TTC17: variants seen among roughly 807,000 people sequenced by gnomAD.
TTC17 encodes tetratricopeptide repeat protein 17.
A neutral mutation model predicts 143.8 loss-of-function variants in TTC17; 58 were observed. That is an observed-to-expected ratio of 0.40 (90% CI 0.33 to 0.50). The LOEUF is 0.50. Ranked by LOEUF, TTC17 falls within the 20% of genes least tolerant of loss-of-function variation. The probability of loss-of-function intolerance (pLI) is 0.49; values close to 1 mark genes in which losing one functional copy is unlikely to be tolerated. For synonymous variants in TTC17, 501 were observed against 497.8 expected (o/e 1.01, Z -0.09); for missense variants, 1,273 against 1,392.5 (o/e 0.91, Z 1.37).
chr11:43,407,374 A>G lies in TTC17; in HGVS notation c.1861A>G (p.Ile621Val). The change falls in exon 15 of 24, where the codon ATA becomes GTA. Residue 621 changes from isoleucine to valine, a missense_variant. Coordinates refer to ENST00000039989, the MANE Select transcript of TTC17 (RefSeq NM_018259.6). ...INKPNAPIWL[I>V]LNEAGLYWRA... ...TCAGCCAAATGCTCCTATCTGGCTC[A>G]TACTCAATGAAGCTGGACTATACTG... is the stretch of plus-strand genomic sequence containing the variant. The G allele has an allele frequency of 6.2e-7, 1 of 1,613,850 alleles. No homozygotes were observed. The highest frequency in any genetic ancestry group is 1.6e-4 in the Middle Eastern group (1 of 6,062).
At chr11:43,461,166 G>A (rs1180378000) in intron 21 of TTC17, among the ~76,000 whole-genome samples, 1 of 151,942 alleles carries the variant, frequency 6.6e-6, no homozygotes, top group African/African-American at 2.4e-5. Flanking sequence ...GGGTGGATCA[G>A]GAGGTCAGGA....
chr11:43,463,016 A>G (rs1024406720), intron 21 of TTC17, among the ~76,000 whole-genome samples: 1 of 150,796 alleles, frequency 6.6e-6, no homozygotes, highest in Non-Finnish European at 1.5e-5. Flanking sequence ...CCCAGGTTCA[A>G]GTGATTCTCC....
At chr11:43,369,104 T>C (rs1305498284) in intron 1 of TTC17, among the ~76,000 whole-genome samples, 1 of 152,264 alleles carries the variant, frequency 6.6e-6, no homozygotes, top group African/African-American at 2.4e-5. Context: ...TGATCCAGCT[T>C]TTCACTTACC....
chr11:43,473,844 C>T (rs1363617653), intron 21 of TTC17, among the ~76,000 whole-genome samples: 3 of 150,582 alleles, frequency 2.0e-5, no homozygotes, highest in Non-Finnish European at 4.4e-5. Flanking sequence ...GATTGCACCC[C>T]TGCACTTCAG....
chr11:43,368,321 A>G lies in TTC17; in HGVS notation c.159+9208A>G, dbSNP rs372616348. ...CCTGAACTTCAGACTCATATATCCA[A>G]CTGCCTACTGAACATCACCATTTAG... On this transcript the variant is annotated intron_variant, in intron 1 of 23. Transcript: ENST00000039989. Among the ~76,000 whole-genome samples the G allele has an allele frequency of 1.6e-3, 239 of 152,116 alleles. 1 individual carries two copies. Among genetic ancestry groups the G allele is most frequent in the African/African-American group, 5.1e-3 (213 of 41,488 alleles).
intron 16 of TTC17, among the ~76,000 whole-genome samples, chr11:43,424,087 CTTT>C (rs778471979): frequency 1.4e-5 from 2 of 140,718 alleles, no homozygotes; most frequent in Non-Finnish European, 1.6e-5. Flanking sequence ...ATTCTTTTTC[CTTT>C]TTTTTTTTTT....
intron 16 of TTC17, among the ~76,000 whole-genome samples, chr11:43,427,188 G>A (rs1442827111): frequency 4.6e-5 from 7 of 152,060 alleles, no homozygotes; most frequent in East Asian, 3.9e-4. Context: ...TTTCCTACTC[G>A]ATCACTTTCC....
chr11:43,370,090 A>G, intron 1 of TTC17: 1 of 455,486 alleles, frequency 2.2e-6, no homozygotes, highest in South Asian at 1.6e-5. Context: ...TATAGCCAGG[A>G]GCCCATGCGT....
chr11:43,378,032 T>C (rs896814909), intron 1 of TTC17, among the ~76,000 whole-genome samples: 1 of 152,096 alleles, frequency 6.6e-6, no homozygotes, highest in African/African-American at 2.4e-5. Flanking sequence ...GCCTCCCGAG[T>C]AGCTGGGACT....
rs1372331954 is a variant in TTC17, at chr11:43,400,002, A to G, written c.1173A>G (p.Leu391=). The change falls in exon 9 of 24, where the codon TTA becomes TTG. Residue 391 remains leucine (L), a synonymous_variant. Transcript: ENST00000039989. ...AACTGATTCAGGAGGAGCAAATCTT[A>G]AGAAATATCATTCATGAGACTCAGA... The part of the protein sequence containing the change: ...KHKLIQEEQI[L]RNIIHETQMA... 1 of 1,614,052 alleles carries G rather than the reference A, an allele frequency of 6.2e-7. No individual in the cohort carries two copies. Among genetic ancestry groups the G allele is most frequent in the Non-Finnish European group, 8.5e-7 (1 of 1,179,942 alleles).
intron 21 of TTC17, among the ~76,000 whole-genome samples, chr11:43,467,524 G>C (rs1024046634): frequency 6.6e-6 from 1 of 152,208 alleles, no homozygotes; most frequent in Non-Finnish European, 1.5e-5. Context: ...GAGGAAGGGG[G>C]TGTGAAAAGT....
chr11:43,362,311 G>T (rs1214994604), intron 1 of TTC17, among the ~76,000 whole-genome samples: 1 of 152,102 alleles, frequency 6.6e-6, no homozygotes, highest in Admixed American at 6.5e-5. Context: ...GAGCCGCTGT[G>T]CCCGGCCATT....
intron 16 of TTC17, among the ~76,000 whole-genome samples, chr11:43,434,746 T>A (rs1947246737): frequency 1.3e-5 from 2 of 152,250 alleles, no homozygotes; most frequent in Non-Finnish European, 2.9e-5. Flanking sequence ...AAGTTGTTTG[T>A]CGATTTCTTG....
Position 43,425,333 on chromosome 11 carries a change from T to A in TTC17, c.2251+10557T>A, listed in dbSNP as rs115002405. ...GACACCTGTCTCTTGAAAAAAAAAA[T>A]TTTTTTTTAATTATTCTAATTGGCA... On this transcript the variant is annotated intron_variant, in intron 16 of 23. Coordinates refer to ENST00000039989, the MANE Select transcript of TTC17 (RefSeq NM_018259.6). Among the ~76,000 whole-genome samples the A allele has an allele frequency of 2.1e-3, 325 of 151,340 alleles. 1 individual carries two copies. The highest frequency in any genetic ancestry group is 6.3e-3 in the African/African-American group (258 of 41,220).
At chr11:43,432,411 T>C (rs757505748) in intron 16 of TTC17, among the ~76,000 whole-genome samples, 5 of 152,232 alleles carry the variant, frequency 3.3e-5, no homozygotes, top group African/African-American at 4.8e-5. Context: ...GTTGATAGTC[T>C]TGTAGTCTCT....
chr11:43,436,732 C>T (rs757280227), intron 16 of TTC17, among the ~76,000 whole-genome samples: 1 of 152,192 alleles, frequency 6.6e-6, no homozygotes, highest in Non-Finnish European at 1.5e-5. Flanking sequence ...TTGTACTAAA[C>T]AGTTCTTGCT....
chr11:43,478,552 T>C (rs1326532661), intron 21 of TTC17, among the ~76,000 whole-genome samples: 2 of 152,148 alleles, frequency 1.3e-5, no homozygotes, highest in Admixed American at 1.3e-4. Flanking sequence ...CATGAGTTGA[T>C]AAGTGTTGAA....
chr11:43,373,679 A>G (rs1219488523), intron 1 of TTC17, among the ~76,000 whole-genome samples: 7 of 152,140 alleles, frequency 4.6e-5, no homozygotes, highest in African/African-American at 1.7e-4. Flanking sequence ...AGTGAGTACG[A>G]ATTTATATGG....
At chr11:43,410,102 C>G (rs578012861) in intron 15 of TTC17, among the ~76,000 whole-genome samples, 42 of 152,276 alleles carry the variant, frequency 2.8e-4, no homozygotes, top group African/African-American at 9.4e-4. Flanking sequence ...ATCCGCCCGC[C>G]TTGACCTCCC....
Sources: allele counts gnomAD v4.1 joint callset (sites outside exome capture counted in the v4.1 genomes callset), GRCh38; gene constraint gnomAD v4.1.1; transcripts MANE v1.5; gene names NCBI Gene and HGNC (gene_info 2026-07-23, HGNC 2026-07-21).